Variants in GNAI2 observed in about 807,000 individuals in gnomAD.
GNAI2 encodes G protein subunit alpha i2, also known as guanine nucleotide-binding protein G(i) subunit alpha-2.
In GNAI2, 4 loss-of-function variants were observed where a neutral mutation model predicts 36.8. The observed-to-expected ratio is 0.11, with a 90% CI of 0.05 to 0.25. The LOEUF is 0.25. Among genes scored for constraint, GNAI2 ranks in the 10% least tolerant of loss-of-function variants. The pLI is 1.00. For missense variants in GNAI2, 230 were observed against 481.3 expected, an observed-to-expected ratio of 0.48 and a Z score of 4.89; for synonymous variants, 194 against 194.1, an observed-to-expected ratio of 1.00 and a Z score of 0.01.
intron 1 of GNAI2, among the ~76,000 whole-genome samples, chr3:50,240,918 C>CAAAAAAAAAAAAAAA (rs11302773): frequency 1.2e-5 from 1 of 86,742 alleles, no homozygotes; most frequent in African/African-American, 4.6e-5. Context: ...GACTCTGTCT[C>CAAAAAAAAAAAAAAA]AAAAAAAAAA....
At chr3:50,239,069 T>C (rs1431426166) in intron 1 of GNAI2, among the ~76,000 whole-genome samples, 1 of 152,168 alleles carries the variant, frequency 6.6e-6, no homozygotes, top group Non-Finnish European at 1.5e-5. Context: ...ATTCTAGGGA[T>C]GCTCCCCACT....
chr3:50,232,032 A>G (rs1700075785), upstream of GNAI2, among the ~76,000 whole-genome samples: 1 of 150,600 alleles, frequency 6.6e-6, no homozygotes, highest in South Asian at 2.1e-4. Flanking sequence ...CTTCATCTCT[A>G]TTAAAAAAAA....
upstream of GNAI2, chr3:50,235,978 A>T (rs1700155917): frequency 6.3e-6 from 1 of 158,148 alleles, no homozygotes; most frequent in Non-Finnish European, 1.3e-5. Flanking sequence ...GTTTGGAACC[A>T]CCCCTATTGC....
chr3:50,248,858 C>G (rs1553702058), intron 1 of GNAI2, among the ~76,000 whole-genome samples: 1 of 151,980 alleles, frequency 6.6e-6, no homozygotes, highest in Non-Finnish European at 1.5e-5. Flanking sequence ...GGGCAGGGAG[C>G]AGATATCCTG....
intron 1 of GNAI2, among the ~76,000 whole-genome samples, chr3:50,245,537 A>T (rs139434654): frequency 6.6e-6 from 1 of 152,390 alleles, no homozygotes; most frequent in African/African-American, 2.4e-5. Context: ...CCTTGGGAAC[A>T]GCGGAGGGAT....
At chr3:50,251,640 A>C (rs1575451177) in intron 1 of GNAI2, 2 of 1,323,390 alleles carry the variant, frequency 1.5e-6, no homozygotes, top group Non-Finnish European at 2.0e-6. Flanking sequence ...GCTAAGGCTC[A>C]GTGTGGGGAG....
At chr3:50,243,661 C>T (rs184895304) in intron 1 of GNAI2, among the ~76,000 whole-genome samples, 1 of 152,238 alleles carries the variant, frequency 6.6e-6, no homozygotes, top group Admixed American at 6.5e-5. Flanking sequence ...ATATTTAATC[C>T]TGTGAGGCTG....
intron 1 of GNAI2, among the ~76,000 whole-genome samples, chr3:50,243,339 TAGC>T (rs1297341650): frequency 2.0e-5 from 3 of 151,960 alleles, no homozygotes; most frequent in African/African-American, 7.3e-5. Context: ...GCGGGAGGGC[TAGC>T]AGGAAGGCAG....
Position 50,256,750 on chromosome 3 carries a change from T to C in GNAI2, c.621T>C (p.Ser207=), listed in dbSNP as rs369101180. Residue 207 remains serine (S), a synonymous_variant, in exon 6 of 9, where the codon TCT becomes TCC. Transcript: ENST00000313601. ...TGTTTGATGTGGGTGGTCAGCGGTC[T>C]GAGCGGAAGAAGTGGATCCACTGCT... The part of the protein sequence containing the change: ...FKMFDVGGQR[S]ERKKWIHCFE... 8.5e-5 allele frequency: 137 copies of C among 1,614,134 alleles called. No homozygotes were observed. The African/African-American group carries it at 1.6e-3, about 19-fold the overall frequency.
rs587773806 is a variant in GNAI2 at position 50,237,840 on chromosome 3, G to T, written c.118+1387G>T. Among the ~76,000 whole-genome samples, 137 of 152,326 alleles carry T rather than the reference G, an allele frequency of 9.0e-4. 2 individuals carry two copies. Among genetic ancestry groups the T allele is most frequent in the Non-Finnish European group, 8.4e-4 (57 of 68,020 alleles). ...GCTGAGAAGTGCATGGGGGGGTGTGGCCCCTCGACTTCAGAACTGTCATAG... is the reference window on the plus strand; with the variant it reads ...GCTGAGAAGTGCATGGGGGGGTGTGTCCCCTCGACTTCAGAACTGTCATAG... On this transcript the variant is annotated intron_variant, in intron 1 of 8. Transcript: ENST00000313601.
At chr3:50,250,912 C>T (rs1553702364) in intron 1 of GNAI2, among the ~76,000 whole-genome samples, 4 of 151,992 alleles carry the variant, frequency 2.6e-5, no homozygotes, top group South Asian at 4.2e-4. Flanking sequence ...CAGGTTCAAG[C>T]GATTCTTCTG....
rs782096300 is a variant in GNAI2 at position 50,252,364 on chromosome 3, G to A, written c.162-33G>A. The A allele has an allele frequency of 1.2e-6, 2 of 1,611,092 alleles. No homozygotes were observed. Among genetic ancestry groups the A allele is most frequent in the Non-Finnish European group, 1.7e-6 (2 of 1,177,966 alleles). On this transcript the variant is annotated intron_variant, in intron 2 of 8. Coordinates refer to ENST00000313601, the MANE Select transcript of GNAI2 (RefSeq NM_002070.4). This position sits in a 1 kb window ranked among gnomAD's most constrained non-coding sequence, Gnocchi z 4.1. ...AGCCGTGGGAACTCCCAGTGCCCAG[G>A]GGACACTAACCTTCCTGGTCCCTGG...
rs781998943 is a variant in GNAI2 at position 50,253,127 on chromosome 3, G to A, written c.407G>A (p.Gly136Asp). Residue 136 changes from glycine (G) to aspartate (D), a missense_variant, in exon 4 of 9, where the codon GGT becomes GAT. Gly to Asp is a moderately conservative substitution (Grantham distance 94). This residue lies in a region of GNAI2 where 132 missense variants were observed against 247.4 expected (regional missense o/e 0.53). Coordinates refer to ENST00000313601, the MANE Select transcript of GNAI2 (RefSeq NM_002070.4). This position sits in a 1 kb window ranked among gnomAD's most constrained non-coding sequence, Gnocchi z 4.2. The stretch of plus-strand genomic sequence containing the variant: ...ATCCGGAGGCTCTGGGCTGACCATG[G>A]TGTGCAGGCCTGCTTTGGCCGCTCA... ...GVIRRLWADH[G>D]VQACFGRSRE... 1.2e-6 allele frequency: 2 copies of A among 1,613,666 alleles called. No homozygotes were observed. The highest frequency in any genetic ancestry group is 1.7e-6 in the Non-Finnish European group (2 of 1,179,870).
chr3:50,251,788 C>T, intron 1 of GNAI2: 3 of 1,306,154 alleles, frequency 2.3e-6, no homozygotes, highest in Non-Finnish European at 3.0e-6. Context: ...TCCTTCATGG[C>T]TGGCCAAGTC....
chr3:50,243,125 G>A (rs587721067), intron 1 of GNAI2, among the ~76,000 whole-genome samples: 44 of 152,238 alleles, frequency 2.9e-4, no homozygotes, highest in Non-Finnish European at 6.2e-4. Flanking sequence ...GGTCTAGGAG[G>A]TGAACACCTG....
intron 1 of GNAI2, among the ~76,000 whole-genome samples, chr3:50,239,081 C>T (rs782120857): frequency 5.3e-4 from 80 of 152,212 alleles, no homozygotes; most frequent in African/African-American, 1.9e-3. Flanking sequence ...CTCCCCACTC[C>T]TACCCAGCTC....
intron 1 of GNAI2, among the ~76,000 whole-genome samples, chr3:50,247,828 T>G (rs1700457957): frequency 6.6e-6 from 1 of 152,262 alleles, no homozygotes; most frequent in East Asian, 1.9e-4. Flanking sequence ...TGCAGGCCTC[T>G]CTGGTCTTAC....
At position 50,255,650 on chromosome 3, in the gene GNAI2, G is replaced by A. The variant is rs587714046; in HGVS notation, c.465-542G>A. Among the ~76,000 whole-genome samples the A allele has an allele frequency of 4.4e-4, 67 of 152,328 alleles. 2 individuals are homozygous for A. The South Asian group carries it at 0.014, about 31-fold the overall frequency. On this transcript the variant is annotated intron_variant, in intron 4 of 8. Transcript: ENST00000313601. The surrounding 1 kb of genome is among the most constrained non-coding windows in gnomAD (Gnocchi z 4.0). The stretch of plus-strand genomic sequence containing the variant: ...GCTTGGCTGGCTAGCTGTCCACAGA[G>A]CTGCACCTCCTCCCATTCCCATTCT...
rs1553702722 is a variant in GNAI2, at chr3:50,252,818, C to T, written c.304-206C>T. Among the ~76,000 whole-genome samples the T allele has an allele frequency of 2.6e-5, 4 of 152,138 alleles. No individual in the cohort carries two copies. The highest frequency in any genetic ancestry group is 2.1e-4 in the South Asian group (1 of 4,828). Reference sequence around the variant, plus strand: ...GGCAGAGGATGCAGTGAGCCAAGATCGCCCCATTGCACTCTAGCCTTGGTG... The same window carrying T: ...GGCAGAGGATGCAGTGAGCCAAGATTGCCCCATTGCACTCTAGCCTTGGTG... On this transcript the variant is annotated intron_variant, in intron 3 of 8. Coordinates refer to ENST00000313601, the MANE Select transcript of GNAI2 (RefSeq NM_002070.4). This position sits in a 1 kb window ranked among gnomAD's most constrained non-coding sequence, Gnocchi z 4.1.
Sources: allele counts gnomAD v4.1 joint callset (sites outside exome capture counted in the v4.1 genomes callset), GRCh38; gene constraint gnomAD v4.1.1; regional missense constraint gnomAD v4.1.1; non-coding constraint Gnocchi (gnomAD v3.1); transcripts MANE v1.5; gene names NCBI Gene and HGNC (gene_info 2026-07-23, HGNC 2026-07-21).